The following ADAMTS12 variants were observed in gnomAD, a reference collection of about 807,000 sequenced individuals.
The protein encoded by ADAMTS12 is ADAM metallopeptidase with thrombospondin type 1 motif 12, also known as A disintegrin and metalloproteinase with thrombospondin motifs 12.
In ADAMTS12, 118 loss-of-function variants were observed where a neutral mutation model predicts 167.8. The ratio of observed to expected loss-of-function variants is 0.70; its 90% CI spans 0.61 to 0.82. ADAMTS12 has a LOEUF of 0.82. ADAMTS12 is among the 40% of genes least tolerant of loss of function. The pLI is 0.00. For synonymous variants in ADAMTS12, 704 were observed against 716.9 expected, an observed-to-expected ratio of 0.98 and a Z score of 0.29; for missense variants, 1,916 against 1,998.8, an observed-to-expected ratio of 0.96 and a Z score of 0.79.
chr5:33,690,643 A>T (rs1227988423), intron 3 of ADAMTS12, among the ~76,000 whole-genome samples: 1 of 152,220 alleles, frequency 6.6e-6, no homozygotes, highest in Non-Finnish European at 1.5e-5. Flanking sequence ...ATGTTTGAAG[A>T]TCCTTCCAGA....
intron 3 of ADAMTS12, among the ~76,000 whole-genome samples, chr5:33,712,566 T>C (rs1187636811): frequency 1.3e-5 from 2 of 152,128 alleles, no homozygotes; most frequent in Non-Finnish European, 2.9e-5. Flanking sequence ...GTGAAGTAGT[T>C]ACTATAGGTT....
intron 21 of ADAMTS12, 83 bp from the exon 22 acceptor site, chr5:33,546,285 T>A: frequency 7.4e-7 from 1 of 1,359,230 alleles, no homozygotes; most frequent in South Asian, 1.7e-5. Flanking sequence ...TACTGTCATT[T>A]TTGTTATGTA....
Position 33,549,299 on chromosome 5 carries a change from G to C in ADAMTS12, c.4210C>G (p.His1404Asp). The change falls in exon 21 of 24, where the codon CAC becomes GAC. Residue 1404 changes from histidine (H) to aspartate (D), a missense_variant. By Grantham distance (81) the His-to-Asp change is moderately conservative (BLOSUM62 -1). Coordinates refer to ENST00000504830, the MANE Select transcript of ADAMTS12 (RefSeq NM_030955.4). ...SRDHRNLRPF[H>D]CQFLAGIPPP... Reference sequence around the variant, plus strand: ...GGAATGCCGGCCAGGAACTGGCAGTGAAATGGCCTCAGGTTCCGGTGGTCC... The same window carrying C: ...GGAATGCCGGCCAGGAACTGGCAGTCAAATGGCCTCAGGTTCCGGTGGTCC... The C allele has an allele frequency of 6.2e-7, 1 of 1,614,236 alleles. No homozygotes were observed. Among genetic ancestry groups the C allele is most frequent in the Non-Finnish European group, 8.5e-7 (1 of 1,180,030 alleles).
chr5:33,671,173 G>T (rs899745112), intron 5 of ADAMTS12, among the ~76,000 whole-genome samples: 3 of 152,178 alleles, frequency 2.0e-5, no homozygotes, highest in Admixed American at 2.0e-4. Context: ...TAGGTGGAAG[G>T]GAAGTATAAA....
At chr5:33,743,345 G>T (rs969633746) in intron 3 of ADAMTS12, among the ~76,000 whole-genome samples, 1 of 152,206 alleles carries the variant, frequency 6.6e-6, no homozygotes, top group Non-Finnish European at 1.5e-5. Flanking sequence ...TAGTGGACTG[G>T]ATGAGAATTT....
Position 33,674,279 on chromosome 5 carries a change from G to A in ADAMTS12, c.915+8739C>T, listed in dbSNP as rs114830742. Among the ~76,000 whole-genome samples the A allele has an allele frequency of 8.6e-3, 1,306 of 152,296 alleles. 21 individuals are homozygous for A. Among genetic ancestry groups the A allele is most frequent in the African/African-American group, 0.031 (1,271 of 41,540 alleles). ...TCTCCTGTGGATTAGGGAAGGGGCA[G>A]TAAAGAGGCCAGAAGTTTGAGAACT... On this transcript the variant is annotated intron_variant, in intron 5 of 23. Transcript: ENST00000504830.
rs538847583 is a variant in ADAMTS12 at position 33,817,220 on chromosome 5, G to A, written c.489+63899C>T. On this transcript the variant is annotated intron_variant, in intron 2 of 23. Transcript: ENST00000504830. ...GAAACTCCAATCTTGAAACCTACAGGTAGTAAGTAGTCTATGTTTTACAAG... is the reference window on the plus strand; with the variant it reads ...GAAACTCCAATCTTGAAACCTACAGATAGTAAGTAGTCTATGTTTTACAAG... Among the ~76,000 whole-genome samples the A allele has an allele frequency of 3.9e-5, 6 of 152,290 alleles. No individual in the cohort carries two copies. In the South Asian group the frequency reaches 1.2e-3, roughly 32 times the overall value.
chr5:33,881,001 C>T, intron 2 of ADAMTS12, 118 bp downstream of exon 2: 3 of 1,441,272 alleles, frequency 2.1e-6, no homozygotes, highest in Non-Finnish European at 1.9e-6. Context: ...AGGATCATCA[C>T]ATCACAGGGG....
rs192473529 is a variant in ADAMTS12 at position 33,597,763 on chromosome 5, C to T, written c.2528-1703G>A. 3.6e-3 allele frequency among the ~76,000 whole-genome samples: 551 copies of T among 152,062 alleles called. 1 individual carries two copies. Among genetic ancestry groups the T allele is most frequent in the African/African-American group, 0.013 (520 of 41,444 alleles). ...TCAGGCTTTCCCAACTAACAGATGT[C>T]GGTGGAATAGAGACTCGGATCATTG... On this transcript the variant is annotated intron_variant, in intron 16 of 23. Coordinates refer to ENST00000504830, the MANE Select transcript of ADAMTS12 (RefSeq NM_030955.4).
At chr5:33,764,805 A>AT (rs34263528) in intron 2 of ADAMTS12, among the ~76,000 whole-genome samples, 30 of 149,018 alleles carry the variant, frequency 2.0e-4, no homozygotes, top group East Asian at 5.9e-4. Flanking sequence ...AAATTTGATG[A>AT]TTTTTTTTTT....
At chr5:33,609,915 C>T (rs1203168262) in intron 16 of ADAMTS12, among the ~76,000 whole-genome samples, 1 of 152,184 alleles carries the variant, frequency 6.6e-6, no homozygotes, top group Non-Finnish European at 1.5e-5. Flanking sequence ...CATGGTGGCT[C>T]ATGCCTGTAA....
rs549300641 is a variant in ADAMTS12 at position 33,685,469 on chromosome 5, G to C, written c.635-1414C>G. Reference sequence around the variant, plus strand: ...CTGCCCTCTCCCTTGGTACTCTCTAGGCTGTGGAGTTGCTTACACTGATTT... The same window carrying C: ...CTGCCCTCTCCCTTGGTACTCTCTACGCTGTGGAGTTGCTTACACTGATTT... On this transcript the variant is annotated intron_variant, in intron 3 of 23. Coordinates refer to ENST00000504830, the MANE Select transcript of ADAMTS12 (RefSeq NM_030955.4). Among the ~76,000 whole-genome samples, 9 of 152,308 alleles carry C rather than the reference G, an allele frequency of 5.9e-5. No individual in the cohort carries two copies. In the South Asian group the frequency reaches 1.7e-3, roughly 28 times the overall value.
intron 19 of ADAMTS12, among the ~76,000 whole-genome samples, chr5:33,568,096 G>A (rs1250282954): frequency 6.6e-6 from 1 of 152,174 alleles, no homozygotes; most frequent in Non-Finnish European, 1.5e-5. Context: ...TGCTTGTAAA[G>A]CCTGATGCAT....
At chr5:33,617,532 A>C (rs1212151001) in intron 14 of ADAMTS12, among the ~76,000 whole-genome samples, 1 of 152,210 alleles carries the variant, frequency 6.6e-6, no homozygotes, top group African/African-American at 2.4e-5. Context: ...ATTAAGTTCC[A>C]TTTGGCTCTC....
chr5:33,834,262 T>C (rs530002018), intron 2 of ADAMTS12, among the ~76,000 whole-genome samples: 3 of 152,336 alleles, frequency 2.0e-5, no homozygotes, highest in South Asian at 4.1e-4. Flanking sequence ...ACATGAATTT[T>C]TGGGGGAATC....
At chr5:33,774,753 C>T (rs1745857733) in intron 2 of ADAMTS12, among the ~76,000 whole-genome samples, 1 of 152,192 alleles carries the variant, frequency 6.6e-6, no homozygotes, top group Non-Finnish European at 1.5e-5. Flanking sequence ...TCTTGGCATT[C>T]TTATCCCAGT....
In ADAMTS12 at chr5:33,683,026, C is replaced by G. The variant is rs1742186660; in HGVS notation, c.907G>C (p.Glu303Gln). The G allele has an allele frequency of 1.9e-6, 3 of 1,612,152 alleles. No individual in the cohort carries two copies. The highest frequency in any genetic ancestry group is 2.5e-6 in the Non-Finnish European group (3 of 1,179,232). Residue 303 changes from glutamate (E) to glutamine (Q), a missense_variant, in exon 5 of 24, where the codon GAA (glutamate) becomes CAA (glutamine). Coordinates refer to ENST00000504830, the MANE Select transcript of ADAMTS12 (RefSeq NM_030955.4). Reference protein sequence around the residue: ...IVVVRLILLEEEEQGLKIVHH... With the variant: ...IVVVRLILLEQEEQGLKIVHH... Reference sequence around the variant, plus strand: ...AAGGGAAAAAATGTTACCTCTTCTTCTTCGAGTAGAATGAGCCGAACCACA... The same window carrying G: ...AAGGGAAAAAATGTTACCTCTTCTTGTTCGAGTAGAATGAGCCGAACCACA...
intron 2 of ADAMTS12, among the ~76,000 whole-genome samples, chr5:33,852,392 C>T (rs899092992): frequency 1.3e-5 from 2 of 152,094 alleles, no homozygotes; most frequent in East Asian, 3.8e-4. Flanking sequence ...AATTAAGTGA[C>T]TCATTTCTTA....
intron 2 of ADAMTS12, among the ~76,000 whole-genome samples, chr5:33,792,778 A>T (rs1746625743): frequency 6.6e-6 from 1 of 152,270 alleles, no homozygotes; most frequent in Non-Finnish European, 1.5e-5. Flanking sequence ...CCTGCACATA[A>T]GGGACAACTT....
Sources: allele counts gnomAD v4.1 joint callset (sites outside exome capture counted in the v4.1 genomes callset), GRCh38; gene constraint gnomAD v4.1.1; transcripts MANE v1.5; gene names NCBI Gene and HGNC (gene_info 2026-07-23, HGNC 2026-07-21).